ZDHHC14: variants seen among roughly 807,000 people sequenced by gnomAD.
ZDHHC14 encodes the protein zDHHC palmitoyltransferase 14.
In ZDHHC14, 16 loss-of-function variants were observed where a neutral mutation model predicts 47.7. The ratio of observed to expected loss-of-function variants is 0.34; its 90% CI spans 0.23 to 0.51. The LOEUF (loss-of-function observed/expected upper bound fraction) is 0.51. Among genes scored for constraint, ZDHHC14 ranks in the 20% least tolerant of loss-of-function variants. The pLI is 0.97. For missense variants in ZDHHC14, 515 were observed against 662.5 expected (o/e 0.78, Z 2.44); for synonymous variants, 293 against 278.9 (o/e 1.05, Z -0.50).
At chr6:157,560,607 C>T (rs989750208) in intron 2 of ZDHHC14, among the ~76,000 whole-genome samples, 2 of 151,716 alleles carry the variant, frequency 1.3e-5, no homozygotes, top group African/African-American at 2.4e-5. Context: ...TTTCTCTGTA[C>T]GTTTCTGATA....
At chr6:157,560,160 G>A (rs1782649694) in intron 2 of ZDHHC14, among the ~76,000 whole-genome samples, 1 of 152,226 alleles carries the variant, frequency 6.6e-6, no homozygotes, top group African/African-American at 2.4e-5. Context: ...AGAGGCAAGT[G>A]ACTGATTCTG....
chr6:157,624,643 C>T (rs1785329961), intron 3 of ZDHHC14, among the ~76,000 whole-genome samples: 1 of 152,164 alleles, frequency 6.6e-6, no homozygotes, highest in Non-Finnish European at 1.5e-5. Flanking sequence ...GGTTAGGAGA[C>T]AGATAGAGCT....
At chr6:157,645,359 T>A (rs1777471547) in intron 5 of ZDHHC14, among the ~76,000 whole-genome samples, 1 of 152,178 alleles carries the variant, frequency 6.6e-6, no homozygotes. Flanking sequence ...GAGCCTGAGC[T>A]GCAGCCAACT....
At chr6:157,497,555 G>A (rs915650406) in intron 1 of ZDHHC14, among the ~76,000 whole-genome samples, 2 of 152,162 alleles carry the variant, frequency 1.3e-5, no homozygotes, top group African/African-American at 4.8e-5. Context: ...TGAGGATTAG[G>A]CTCTGATGGG....
At chr6:157,656,344 C>CTTTTTTTTT in intron 8 of ZDHHC14, among the ~76,000 whole-genome samples, 1 of 150,168 alleles carries the variant, frequency 6.7e-6, no homozygotes, top group Non-Finnish European at 1.5e-5. Context: ...CTTTTCTTTT[C>CTTTTTTTTT]TTTTTTTTGA....
intron 1 of ZDHHC14, among the ~76,000 whole-genome samples, chr6:157,424,977 G>A (rs958540264): frequency 6.6e-6 from 1 of 152,128 alleles, no homozygotes; most frequent in African/African-American, 2.4e-5. Context: ...GCCAGAGGGA[G>A]CTTTTCATAT....
At chr6:157,545,363 T>C (rs2114810144) in intron 2 of ZDHHC14, among the ~76,000 whole-genome samples, 1 of 150,828 alleles carries the variant, frequency 6.6e-6, no homozygotes, top group Middle Eastern at 3.4e-3. Context: ...AAATTATACC[T>C]CTATGAAGAT....
chr6:157,504,325 G>C (rs1158124768), intron 1 of ZDHHC14, among the ~76,000 whole-genome samples: 1 of 122,708 alleles, frequency 8.1e-6, no homozygotes, highest in African/African-American at 3.0e-5. Context: ...CTAATTTTTT[G>C]TATTTTTTTT....
At chr6:157,627,963 C>G (rs953417485) in intron 3 of ZDHHC14, among the ~76,000 whole-genome samples, 3 of 152,184 alleles carry the variant, frequency 2.0e-5, no homozygotes, top group Non-Finnish European at 4.4e-5. Flanking sequence ...CCAGCCCCAG[C>G]CCAGAACTTA....
intron 1 of ZDHHC14, among the ~76,000 whole-genome samples, chr6:157,405,259 G>C (rs1187226278): frequency 6.6e-6 from 1 of 152,116 alleles, no homozygotes; most frequent in Non-Finnish European, 1.5e-5. Flanking sequence ...TTGAGATGGA[G>C]TCTCGCTGTC....
intron 7 of ZDHHC14, 103 bp downstream of exon 7, chr6:157,647,471 C>T: frequency 6.6e-6 from 5 of 754,770 alleles, no homozygotes; most frequent in Middle Eastern, 5.6e-4. Flanking sequence ...TCGCCGCCAC[C>T]ACGTGACCAC....
chr6:157,614,633 T>C (rs1243051989), intron 3 of ZDHHC14, among the ~76,000 whole-genome samples: 1 of 152,062 alleles, frequency 6.6e-6, no homozygotes, highest in East Asian at 1.9e-4. Flanking sequence ...CTGCCACAAA[T>C]GGGAAAATCA....
rs149055084 is a variant in ZDHHC14 at position 157,545,108 on chromosome 6, T to C, written c.406+2363T>C. Among the ~76,000 whole-genome samples, 166 of 152,328 alleles carry C rather than the reference T, an allele frequency of 1.1e-3. 2 individuals carry two copies. The highest frequency in any genetic ancestry group is 3.9e-3 in the African/African-American group (162 of 41,568). ...GAAAGAAGCCAGATACAAAAGACTA[T>C]GTACTGTGTGATTCCATTTGTATAA... On this transcript the variant is annotated intron_variant, in intron 2 of 8. Coordinates refer to ENST00000359775, the MANE Select transcript of ZDHHC14 (RefSeq NM_024630.3).
intron 3 of ZDHHC14, among the ~76,000 whole-genome samples, chr6:157,617,896 G>A (rs1384196135): frequency 6.6e-6 from 1 of 152,116 alleles, no homozygotes; most frequent in East Asian, 1.9e-4. Context: ...GGTAGAGATC[G>A]AGTGAGTGAA....
chr6:157,585,081 C>T (rs980563985), intron 2 of ZDHHC14, among the ~76,000 whole-genome samples: 21 of 151,960 alleles, frequency 1.4e-4, no homozygotes, highest in African/African-American at 3.6e-4. Flanking sequence ...GTGGCAGGAG[C>T]TTGTAGTCCC....
Position 157,645,743 on chromosome 6 carries a change from G to T in ZDHHC14, c.759G>T (p.Leu253=). 6.2e-7 allele frequency: 1 copy of T among 1,613,910 alleles called. No individual in the cohort carries two copies. The highest frequency in any genetic ancestry group is 8.5e-7 in the Non-Finnish European group (1 of 1,179,960). The change falls in exon 6 of 9, where the codon CTG becomes CTT. Residue 253 remains leucine, a synonymous_variant. Coordinates refer to ENST00000359775, the MANE Select transcript of ZDHHC14 (RefSeq NM_024630.3). ...CCTCCTTGACTCGCATCACCGTCCT[G>T]GAGGCTGTGGTGTGCTTCTTCTCTG... The part of the protein sequence containing the change: ...NALKDSPASV[L]EAVVCFFSVW...
rs538703125 is a variant in ZDHHC14 at position 157,642,257 on chromosome 6, A to G, written c.753-3480A>G. Among the ~76,000 whole-genome samples, 17 of 152,254 alleles carry G rather than the reference A, an allele frequency of 1.1e-4. No individual in the cohort carries two copies. The South Asian group carries it at 3.5e-3, about 32-fold the overall frequency. On this transcript the variant is annotated intron_variant, in intron 5 of 8. Coordinates refer to ENST00000359775, the MANE Select transcript of ZDHHC14 (RefSeq NM_024630.3). Reference sequence around the variant, plus strand: ...GATCCTCCAAATACTGACGCATCCTAACCATTCTGCCTCCTGCACAACCTT... The same window carrying G: ...GATCCTCCAAATACTGACGCATCCTGACCATTCTGCCTCCTGCACAACCTT...
intron 1 of ZDHHC14, among the ~76,000 whole-genome samples, chr6:157,441,825 G>A (rs1033390591): frequency 2.6e-5 from 4 of 152,106 alleles, no homozygotes; most frequent in African/African-American, 7.2e-5. Context: ...GCAACAGAGT[G>A]AGACTCCGAA....
intron 1 of ZDHHC14, among the ~76,000 whole-genome samples, chr6:157,412,900 TC>T (rs1350586426): frequency 6.6e-6 from 1 of 152,148 alleles, no homozygotes; most frequent in Non-Finnish European, 1.5e-5. Context: ...GGCTGTGGGA[TC>T]CGTATTTTTT....
Sources: gnomAD v4.1 joint callset for allele counts (sites outside exome capture counted in the v4.1 genomes callset) on GRCh38, gnomAD v4.1.1 for gene constraint, MANE v1.5 for transcripts, NCBI Gene and HGNC (gene_info 2026-07-23, HGNC 2026-07-21) for gene names.